The following EEPD1 variants were observed in gnomAD, a reference collection of about 807,000 sequenced individuals.
EEPD1 encodes endonuclease/exonuclease/phosphatase family domain containing 1.
A neutral mutation model predicts 46.3 loss-of-function variants in EEPD1; 17 were observed. The observed-to-expected ratio is 0.37, with a 90% CI of 0.25 to 0.55. The LOEUF (loss-of-function observed/expected upper bound fraction) is 0.55, where lower values mean the gene tolerates loss of function less well. EEPD1 is among the 20% of genes least tolerant of loss of function. The pLI, the probability that EEPD1 is intolerant of heterozygous loss-of-function variation, is 0.83. For synonymous variants in EEPD1, 313 were observed against 315.6 expected, an observed-to-expected ratio of 0.99 and a Z score of 0.09; for missense variants, 673 against 745.6, an observed-to-expected ratio of 0.90 and a Z score of 1.13.
intron 3 of EEPD1, among the ~76,000 whole-genome samples, chr7:36,259,997 C>T (rs962154736): frequency 6.6e-6 from 1 of 152,134 alleles, no homozygotes; most frequent in African/African-American, 2.4e-5. Flanking sequence ...CATGTAGCTC[C>T]TTTGTGCCAT....
chr7:36,194,719 G>C (rs1330949663), intron 2 of EEPD1, among the ~76,000 whole-genome samples: 2 of 152,214 alleles, frequency 1.3e-5, no homozygotes, highest in Non-Finnish European at 2.9e-5. Context: ...TGATCATGGA[G>C]CTCTGCCATG....
chr7:36,154,570 G>A lies in EEPD1; in HGVS notation c.246G>A (p.Leu82=), dbSNP rs538398251. ...GGFKKVEDLA[L]VSGVGATKLE... ...TCAAGAAGGTGGAGGACCTGGCATT[G>A]GTCAGTGGTGTAGGCGCCACCAAGC... is the stretch of plus-strand genomic sequence containing the variant. Residue 82 remains leucine (L), a synonymous_variant, in exon 2 of 8, where the codon TTG becomes TTA. Coordinates refer to ENST00000242108, the MANE Select transcript of EEPD1 (RefSeq NM_030636.3). The surrounding 1 kb of genome is among the most constrained non-coding windows in gnomAD (Gnocchi z 4.2). 35 of 1,614,130 alleles carry A rather than the reference G, an allele frequency of 2.2e-5. No homozygotes were observed. The South Asian group carries it at 3.5e-4, about 16-fold the overall frequency.
intron 2 of EEPD1, among the ~76,000 whole-genome samples, chr7:36,172,020 A>G (rs9648427): frequency 0.45 from 67,990 of 152,116 alleles, 15,964 homozygotes; most frequent in African/African-American, 0.6. Context: ...ATATTTATAC[A>G]TACAATATAA....
intron 3 of EEPD1, among the ~76,000 whole-genome samples, chr7:36,258,815 T>C (rs1002115370): frequency 6.6e-6 from 1 of 151,836 alleles, no homozygotes; most frequent in African/African-American, 2.4e-5. Flanking sequence ...TTCAGCCTTA[T>C]TTCCACGGGA....
chr7:36,281,041 C>A, intron 3 of EEPD1, 74 bp from the exon 4 acceptor site: 3 of 1,291,220 alleles, frequency 2.3e-6, no homozygotes, highest in Non-Finnish European at 3.3e-6. Flanking sequence ...CAGTGCCTGG[C>A]TTCTCAGGCC....
intron 2 of EEPD1, among the ~76,000 whole-genome samples, chr7:36,161,462 G>GGTGA (rs199791925): frequency 6.6e-6 from 1 of 152,042 alleles, no homozygotes; most frequent in Non-Finnish European, 1.5e-5. Flanking sequence ...TGGATGGGTG[G>GGTGA]TTGGAGTCTG....
chr7:36,258,610 G>T lies in EEPD1; in HGVS notation c.930+19574G>T, dbSNP rs185071935. Among the ~76,000 whole-genome samples the T allele has an allele frequency of 1.4e-3, 209 of 152,256 alleles. 1 individual carries two copies. The highest frequency in any genetic ancestry group is 4.7e-3 in the African/African-American group (195 of 41,540). Reference sequence around the variant, plus strand: ...CTCCGCCCAGTTGGAACTTCCAGGCGGCTTTGTTTACATTGTGAGGGGAAA... The same window carrying T: ...CTCCGCCCAGTTGGAACTTCCAGGCTGCTTTGTTTACATTGTGAGGGGAAA... On this transcript the variant is annotated intron_variant, in intron 3 of 7. Coordinates refer to ENST00000242108, the MANE Select transcript of EEPD1 (RefSeq NM_030636.3).
chr7:36,166,303 G>A (rs537906680), intron 2 of EEPD1, among the ~76,000 whole-genome samples: 2 of 152,318 alleles, frequency 1.3e-5, no homozygotes, highest in South Asian at 2.1e-4. Context: ...GTTAGATATT[G>A]TTAGAATTTC....
chr7:36,297,268 A>T, intron 7 of EEPD1, 81 bp downstream of exon 7: 1 of 1,466,294 alleles, frequency 6.8e-7, no homozygotes, highest in Non-Finnish European at 9.3e-7. Context: ...AAGTCATCTC[A>T]CCTCCTCTGA....
chr7:36,284,891 G>T (rs1328306743), intron 5 of EEPD1, 71 bp downstream of exon 5: 4 of 1,417,814 alleles, frequency 2.8e-6, no homozygotes, highest in South Asian at 1.5e-5. Context: ...GGCTCATTTT[G>T]TAATAGCATG....
At chr7:36,239,754 G>A (rs1050581937) in intron 3 of EEPD1, among the ~76,000 whole-genome samples, 1 of 152,044 alleles carries the variant, frequency 6.6e-6, no homozygotes, top group African/African-American at 2.4e-5. Flanking sequence ...AAACAGGCTG[G>A]GTGGGCACCA....
intron 6 of EEPD1, among the ~76,000 whole-genome samples, chr7:36,288,025 TAG>T (rs1191607008): frequency 6.6e-6 from 1 of 152,076 alleles, no homozygotes; most frequent in East Asian, 1.9e-4. Flanking sequence ...CTCATTTAGA[TAG>T]AAAGGATTAG....
chr7:36,204,287 C>G (rs1317752132), intron 2 of EEPD1, among the ~76,000 whole-genome samples: 1 of 152,240 alleles, frequency 6.6e-6, no homozygotes, highest in East Asian at 1.9e-4. Context: ...CCTCCCACCT[C>G]AGCGTCCCAA....
intron 3 of EEPD1, among the ~76,000 whole-genome samples, chr7:36,246,199 C>T (rs1786638489): frequency 6.6e-6 from 1 of 152,088 alleles, no homozygotes; most frequent in Non-Finnish European, 1.5e-5. Context: ...AGACACAGGC[C>T]ACCCACCTGG....
chr7:36,189,702 C>T (rs1388874654), intron 2 of EEPD1, among the ~76,000 whole-genome samples: 1 of 152,130 alleles, frequency 6.6e-6, no homozygotes, highest in Non-Finnish European at 1.5e-5. Context: ...AATGAGCTAC[C>T]CCCATTTTCT....
chr7:36,209,366 T>G (rs1387178570), intron 2 of EEPD1, among the ~76,000 whole-genome samples: 1 of 152,232 alleles, frequency 6.6e-6, no homozygotes, highest in African/African-American at 2.4e-5. Context: ...GTTTCCTTTC[T>G]CATTGCCGGC....
chr7:36,260,608 A>G (rs1051909356), intron 3 of EEPD1, among the ~76,000 whole-genome samples: 2 of 152,268 alleles, frequency 1.3e-5, no homozygotes, highest in Non-Finnish European at 2.9e-5. Context: ...TTATTTGCAT[A>G]AAGTCCAACA....
rs571161425 is a variant in EEPD1, at chr7:36,229,416, G to GT, written c.879-9568dup. The GT allele has an allele frequency of 3.9e-5, 6 of 152,330 alleles. No homozygotes were observed. The East Asian group carries it at 1.2e-3, about 29-fold the overall frequency. The allele number at this position is 152,330 out of a possible 1,614,324, so 9.4% of individuals were successfully genotyped here. A position where few individuals can be genotyped will look rare whatever the true frequency, so the allele number is the denominator to read the frequency against. On this transcript the variant is annotated intron_variant, in intron 2 of 7. Transcript: ENST00000242108. The stretch of plus-strand genomic sequence containing the variant: ...TGGAGGAAAGAGAGAGAAAGAGAAT[G>GT]TGAATGCACAGCTTTGAGAGGGACT...
At chr7:36,221,651 G>C (rs538889818) in intron 2 of EEPD1, among the ~76,000 whole-genome samples, 1 of 152,156 alleles carries the variant, frequency 6.6e-6, no homozygotes, top group Admixed American at 6.5e-5. Flanking sequence ...TAGAATACCA[G>C]TGTGATTTTG....
Sources: allele counts gnomAD v4.1 joint callset (sites outside exome capture counted in the v4.1 genomes callset), GRCh38; gene constraint gnomAD v4.1.1; non-coding constraint Gnocchi (gnomAD v3.1); transcripts MANE v1.5; gene names NCBI Gene and HGNC (gene_info 2026-07-23, HGNC 2026-07-21).